Variants in ADARB2 observed in about 807,000 individuals in gnomAD.
The protein encoded by ADARB2 is inactive double-stranded RNA-specific editase B2.
A neutral mutation model predicts 62.2 loss-of-function variants in ADARB2; 25 were observed. The observed-to-expected ratio is 0.40, with a 90% CI of 0.29 to 0.56. ADARB2 has a LOEUF of 0.56. Among genes scored for constraint, ADARB2 ranks in the 20% least tolerant of loss-of-function variants. The probability of loss-of-function intolerance (pLI) is 0.43; values close to 1 mark genes in which losing one functional copy is unlikely to be tolerated. For missense variants in ADARB2, 1,071 were observed against 1,077.4 expected (o/e 0.99, Z 0.08); for synonymous variants, 572 against 500.8 (o/e 1.14, Z -1.90).
intron 1 of ADARB2, among the ~76,000 whole-genome samples, chr10:1,735,299 G>A (rs942326403): frequency 6.6e-6 from 1 of 152,186 alleles, no homozygotes; most frequent in Non-Finnish European, 1.5e-5. Flanking sequence ...TATAGCAAAT[G>A]AAGTCTTTCC....
intron 2 of ADARB2, 65 bp downstream of exon 2, chr10:1,379,009 G>A (rs1172658184): frequency 4.8e-6 from 7 of 1,443,496 alleles, no homozygotes; most frequent in Middle Eastern, 1.8e-4. Flanking sequence ...TTTGGGGACT[G>A]CAGGGGACCC....
intron 1 of ADARB2, among the ~76,000 whole-genome samples, chr10:1,609,754 C>A (rs1011692905): frequency 3.9e-5 from 6 of 152,224 alleles, no homozygotes; most frequent in African/African-American, 4.8e-5. Context: ...CTCTACTGGG[C>A]CCGGGTGAGC....
At chr10:1,627,991 C>A (rs1833792569) in intron 1 of ADARB2, among the ~76,000 whole-genome samples, 1 of 152,220 alleles carries the variant, frequency 6.6e-6, no homozygotes, top group Non-Finnish European at 1.5e-5. Flanking sequence ...ATCAGCTTGA[C>A]CCTCCATCCT....
In ADARB2 at chr10:1,267,520, C is replaced by G. The variant is rs148660487; in HGVS notation, c.1192+3435G>C. On this transcript the variant is annotated intron_variant, in intron 4 of 9. Transcript: ENST00000381312. ...TCGATGGGCCTGGCCTGGGAGTTCT[C>G]TGGGAGAGAGGCAGGTACCCTCTGT... 3.3e-5 allele frequency among the ~76,000 whole-genome samples: 5 copies of G among 152,296 alleles called. No homozygotes were observed. The East Asian group carries it at 7.7e-4, about 24-fold the overall frequency.
intron 1 of ADARB2, among the ~76,000 whole-genome samples, chr10:1,589,195 C>T (rs564292980): frequency 1.5e-4 from 23 of 152,318 alleles, no homozygotes; most frequent in Admixed American, 1.1e-3. Flanking sequence ...ACATTTGTGG[C>T]GAACAGATGG....
intron 3 of ADARB2, among the ~76,000 whole-genome samples, chr10:1,278,182 G>A (rs1274648090): frequency 1.3e-5 from 2 of 151,988 alleles, no homozygotes; most frequent in South Asian, 2.1e-4. Flanking sequence ...GTTTTGCCAT[G>A]TTGGTCAGGT....
intron 1 of ADARB2, among the ~76,000 whole-genome samples, chr10:1,650,229 G>GT (rs1248738880): frequency 3.3e-5 from 5 of 152,188 alleles, no homozygotes; most frequent in African/African-American, 1.2e-4. Context: ...CCTAGTTTAT[G>GT]TTTTTTGGGG....
chr10:1,504,523 G>A (rs188283866), intron 1 of ADARB2, among the ~76,000 whole-genome samples: 235 of 152,264 alleles, frequency 1.5e-3, no homozygotes, highest in African/African-American at 5.2e-3. Flanking sequence ...CCCCTGACTC[G>A]GCTGGCTGTG....
chr10:1,618,170 G>A (rs993854859), intron 1 of ADARB2, among the ~76,000 whole-genome samples: 1 of 152,056 alleles, frequency 6.6e-6, no homozygotes, highest in African/African-American at 2.4e-5. Context: ...ATGCCTTTAG[G>A]TGAGTCACAG....
intron 1 of ADARB2, among the ~76,000 whole-genome samples, chr10:1,444,664 T>C (rs549236948): frequency 8.2e-4 from 116 of 142,324 alleles, no homozygotes; most frequent in African/African-American, 3.0e-3. Flanking sequence ...ATTCACTCAT[T>C]CATCCATCCA....
At chr10:1,298,720 ATTTTTTTTTTT>A (rs75978268) in intron 3 of ADARB2, among the ~76,000 whole-genome samples, 5 of 110,770 alleles carry the variant, frequency 4.5e-5, no homozygotes, top group African/African-American at 2.1e-4. Context: ...TGCGACGGGA[ATTTTTTTTTTT>A]TTTTTTTTTT....
At position 1,591,192 on chromosome 10, in the gene ADARB2, T is replaced by C. The variant is rs187600899; in HGVS notation, c.100+145859A>G. Among the ~76,000 whole-genome samples the C allele has an allele frequency of 1.7e-3, 257 of 152,270 alleles. 1 individual carries two copies. Among genetic ancestry groups the C allele is most frequent in the Non-Finnish European group, 2.9e-3 (194 of 68,010 alleles). On this transcript the variant is annotated intron_variant, in intron 1 of 9. Coordinates refer to ENST00000381312, the MANE Select transcript of ADARB2 (RefSeq NM_018702.4). ...CCCAGGTTATGGACTCCGCCTGAGT[T>C]TGATGGGTGTGGGTGGGAGAAGCCA...
At chr10:1,682,626 G>A (rs1038823749) in intron 1 of ADARB2, among the ~76,000 whole-genome samples, 3 of 152,114 alleles carry the variant, frequency 2.0e-5, no homozygotes, top group South Asian at 4.1e-4. Context: ...TGCAGTTAGC[G>A]TCACTCAACT....
At chr10:1,452,552 C>G (rs1831052102) in intron 1 of ADARB2, among the ~76,000 whole-genome samples, 1 of 149,838 alleles carries the variant, frequency 6.7e-6, no homozygotes, top group South Asian at 2.1e-4. Context: ...GAACAGAAAA[C>G]CAAACACTGC....
chr10:1,205,809 T>TGGAAGGCGTC (rs1837049659), intron 7 of ADARB2, among the ~76,000 whole-genome samples: 1 of 152,130 alleles, frequency 6.6e-6, no homozygotes, highest in Non-Finnish European at 1.5e-5. Context: ...CGAGACTGGG[T>TGGAAGGCGTC]AGATGCCATC....
intron 6 of ADARB2, among the ~76,000 whole-genome samples, chr10:1,227,095 A>T (rs1202675132): frequency 1.3e-5 from 2 of 152,228 alleles, no homozygotes; most frequent in African/African-American, 4.8e-5. Context: ...TCAAACAACT[A>T]ACTCGGCAAT....
chr10:1,329,373 G>C (rs1035506137), intron 3 of ADARB2, among the ~76,000 whole-genome samples: 3 of 152,236 alleles, frequency 2.0e-5, no homozygotes, highest in Non-Finnish European at 2.9e-5. Flanking sequence ...CTCTAAAAAT[G>C]TATCCCTTGT....
At chr10:1,360,156 C>T (rs1832238850) in intron 3 of ADARB2, among the ~76,000 whole-genome samples, 1 of 151,658 alleles carries the variant, frequency 6.6e-6, no homozygotes, top group Admixed American at 6.6e-5. Context: ...ACCTCAAGCA[C>T]CGGGCCGGCA....
intron 1 of ADARB2, among the ~76,000 whole-genome samples, chr10:1,660,427 CTATG>C (rs1834231446): frequency 1.3e-5 from 2 of 152,120 alleles, no homozygotes; most frequent in Admixed American, 6.5e-5. Context: ...ATGAGTGTGA[CTATG>C]TATGTTGGAT....
Sources: gnomAD v4.1 joint callset for allele counts (sites outside exome capture counted in the v4.1 genomes callset) on GRCh38, gnomAD v4.1.1 for gene constraint, MANE v1.5 for transcripts, NCBI Gene and HGNC (gene_info 2026-07-23, HGNC 2026-07-21) for gene names.